Variants in NAV2 observed in about 807,000 individuals in gnomAD.
NAV2 encodes neuron navigator 2.
NAV2 carries 54 observed loss-of-function variants against 223.2 expected under a neutral mutation model. The observed-to-expected ratio is 0.24, with a 90% confidence interval of 0.19 to 0.30. NAV2 has a LOEUF of 0.30. Among genes scored for constraint, NAV2 ranks in the 10% least tolerant of loss-of-function variants. The probability of loss-of-function intolerance (pLI) is 1.00; values close to 1 mark genes in which losing one functional copy is unlikely to be tolerated. For synonymous variants in NAV2, 1,279 were observed against 1,239.3 expected (o/e 1.03, Z -0.67); for missense variants, 2,806 against 3,147.5 (o/e 0.89, Z 2.60).
At chr11:19,454,173 T>A (rs1851883412) in intron 1 of NAV2, among the ~76,000 whole-genome samples, 1 of 152,156 alleles carries the variant, frequency 6.6e-6, no homozygotes, top group Non-Finnish European at 1.5e-5. Flanking sequence ...AAGTCCCAAG[T>A]TGGAGCACAG....
chr11:20,078,664 G>A (rs1243728429), intron 24 of NAV2, among the ~76,000 whole-genome samples: 1 of 152,158 alleles, frequency 6.6e-6, no homozygotes, highest in East Asian at 1.9e-4. Flanking sequence ...TGCCATGTTG[G>A]CTGGGCTGGT....
chr11:19,649,307 G>A (rs887579240), intron 1 of NAV2, among the ~76,000 whole-genome samples: 1 of 152,116 alleles, frequency 6.6e-6, no homozygotes, highest in Non-Finnish European at 1.5e-5. Context: ...AGCTCTAGGG[G>A]ACTTTCATAA....
intron 3 of NAV2, among the ~76,000 whole-genome samples, chr11:19,862,278 G>C (rs12273480): frequency 0.034 from 5,133 of 152,310 alleles, 115 homozygotes; most frequent in Non-Finnish European, 0.055. Flanking sequence ...CAGTATGGTG[G>C]ATAACACTGC....
chr11:19,582,810 G>C (rs1403727365), intron 1 of NAV2, among the ~76,000 whole-genome samples: 2 of 152,170 alleles, frequency 1.3e-5, no homozygotes, highest in Non-Finnish European at 1.5e-5. Context: ...GATGTCTCCA[G>C]CTTTGTTCTT....
At chr11:19,479,057 G>A (rs1377247799) in intron 1 of NAV2, among the ~76,000 whole-genome samples, 4 of 152,152 alleles carry the variant, frequency 2.6e-5, no homozygotes, top group Non-Finnish European at 2.9e-5. Context: ...AGCCAGCTGG[G>A]TGGGGTTGAG....
intron 1 of NAV2, among the ~76,000 whole-genome samples, chr11:19,405,738 G>C (rs1849866901): frequency 6.6e-6 from 1 of 152,222 alleles, no homozygotes; most frequent in African/African-American, 2.4e-5. Flanking sequence ...TGTAAAATGG[G>C]ATTGACAGTA....
intron 11 of NAV2, chr11:20,023,046 A>G (rs1473887102): frequency 5.8e-6 from 9 of 1,550,270 alleles, no homozygotes; most frequent in African/African-American, 1.4e-5. Flanking sequence ...AGGACTTGCC[A>G]TCCTGTGAGA....
At chr11:19,829,247 G>A (rs754981753) in intron 1 of NAV2, among the ~76,000 whole-genome samples, 4 of 152,208 alleles carry the variant, frequency 2.6e-5, no homozygotes, top group African/African-American at 9.7e-5. Context: ...TCCCTCCAGG[G>A]TTTGAGAGAG....
At position 19,592,340 on chromosome 11, in the gene NAV2, C is replaced by A. The variant is rs541480599; in HGVS notation, c.76-240144C>A. On this transcript the variant is annotated intron_variant, in intron 1 of 37. Transcript: ENST00000360655. ...CCTGCATCACTGCCTTCTTTCCACA[C>A]CTACTAATCTACTCAATCCTCAAAA... Among the ~76,000 whole-genome samples the A allele has an allele frequency of 7.9e-5, 12 of 152,266 alleles. No individual in the cohort carries two copies. The South Asian group carries it at 2.5e-3, about 32-fold the overall frequency.
intron 1 of NAV2, among the ~76,000 whole-genome samples, chr11:19,783,743 A>G (rs2056912245): frequency 6.6e-6 from 1 of 152,198 alleles, no homozygotes; most frequent in Admixed American, 6.6e-5. Context: ...AATGATGATG[A>G]TGATAATCAT....
intron 1 of NAV2, among the ~76,000 whole-genome samples, chr11:19,718,657 G>A (rs1216796507): frequency 2.6e-5 from 4 of 151,744 alleles, no homozygotes; most frequent in African/African-American, 9.7e-5. Flanking sequence ...AGTTCTTGGA[G>A]GGGAATGTAT....
intron 1 of NAV2, among the ~76,000 whole-genome samples, chr11:19,682,628 C>T (rs1029832895): frequency 1.3e-5 from 2 of 152,086 alleles, no homozygotes; most frequent in Non-Finnish European, 2.9e-5. Flanking sequence ...CTGCTTTTGG[C>T]GAGGGCCTCA....
intron 1 of NAV2, among the ~76,000 whole-genome samples, chr11:19,728,055 A>G (rs1315422220): frequency 6.6e-6 from 1 of 152,188 alleles, no homozygotes; most frequent in East Asian, 1.9e-4. Flanking sequence ...AAGCTGTCCT[A>G]TGACTGAGAG....
At chr11:19,728,167 C>T (rs1047778048) in intron 1 of NAV2, among the ~76,000 whole-genome samples, 1 of 152,160 alleles carries the variant, frequency 6.6e-6, no homozygotes, top group Non-Finnish European at 1.5e-5. Context: ...GTAGAAAGTC[C>T]ACTTTGGCCA....
intron 1 of NAV2, among the ~76,000 whole-genome samples, chr11:19,510,715 C>G (rs1269714934): frequency 2.0e-5 from 3 of 151,750 alleles, no homozygotes; most frequent in African/African-American, 7.3e-5. Flanking sequence ...AACAGGTTAC[C>G]CAGCCCAGGG....
At chr11:19,407,154 T>A (rs1849932736) in intron 1 of NAV2, among the ~76,000 whole-genome samples, 1 of 152,220 alleles carries the variant, frequency 6.6e-6, no homozygotes. Context: ...TCTCTGCATA[T>A]TTACTCATTC....
intron 1 of NAV2, among the ~76,000 whole-genome samples, chr11:19,664,992 T>A (rs2048372841): frequency 6.6e-6 from 1 of 152,186 alleles, no homozygotes; most frequent in Non-Finnish European, 1.5e-5. Flanking sequence ...GATGGGTAAG[T>A]AGCAGACCTG....
intron 14 of NAV2, 48 bp downstream of exon 14, chr11:20,045,718 T>G (rs998512591): frequency 6.9e-7 from 1 of 1,450,216 alleles, no homozygotes; most frequent in Non-Finnish European, 9.5e-7. Flanking sequence ...ATACAGGGAA[T>G]GGATTTAGTA....
At chr11:19,728,400 G>C (rs1187200970) in intron 1 of NAV2, among the ~76,000 whole-genome samples, 1 of 152,220 alleles carries the variant, frequency 6.6e-6, no homozygotes, top group Non-Finnish European at 1.5e-5. Flanking sequence ...TTTGGCATCT[G>C]TATTTCTTAG....
Sources: gnomAD v4.1 joint callset for allele counts (sites outside exome capture counted in the v4.1 genomes callset) on GRCh38, gnomAD v4.1.1 for gene constraint, MANE v1.5 for transcripts, NCBI Gene and HGNC (gene_info 2026-07-23, HGNC 2026-07-21) for gene names.